Variants in PHACTR1 observed in about 807,000 individuals in gnomAD.
PHACTR1 encodes the protein phosphatase and actin regulator 1, also known as RPEL repeat containing 1.
PHACTR1 carries 16 observed loss-of-function variants against 69.2 expected under a neutral mutation model. The ratio of observed to expected loss-of-function variants is 0.23; its 90% CI spans 0.16 to 0.35. The LOEUF is 0.35. Ranked by LOEUF, PHACTR1 falls within the 10% of genes least tolerant of loss-of-function variation. PHACTR1 has a pLI of 1.00. For missense variants in PHACTR1, 510 were observed against 734.7 expected, an observed-to-expected ratio of 0.69 and a Z score of 3.54; for synonymous variants, 312 against 284.5, an observed-to-expected ratio of 1.10 and a Z score of -0.97.
At chr6:13,216,323 G>A (rs1183242982) in intron 8 of PHACTR1, among the ~76,000 whole-genome samples, 2 of 152,154 alleles carry the variant, frequency 1.3e-5, no homozygotes, top group South Asian at 2.1e-4. Context: ...ATGATCCCTA[G>A]GGTTTCTTTT....
intron 4 of PHACTR1, among the ~76,000 whole-genome samples, chr6:12,903,926 G>A (rs971199200): frequency 1.3e-5 from 2 of 151,864 alleles, no homozygotes; most frequent in African/African-American, 2.4e-5. Context: ...TTATAATTTA[G>A]CATCTTATTA....
At chr6:13,149,951 A>G (rs1302053099) in intron 5 of PHACTR1, among the ~76,000 whole-genome samples, 2 of 152,026 alleles carry the variant, frequency 1.3e-5, no homozygotes, top group Non-Finnish European at 2.9e-5. Flanking sequence ...TGATTTAGAT[A>G]GAAGTTCCAT....
chr6:12,731,430 C>T (rs1763511697), intron 3 of PHACTR1, among the ~76,000 whole-genome samples: 1 of 152,094 alleles, frequency 6.6e-6, no homozygotes, highest in Non-Finnish European at 1.5e-5. Context: ...TTGGCTTAGC[C>T]CAATTGAATT....
rs192150361 is a variant in PHACTR1, at chr6:13,195,123, C to G, written c.665-10692C>G. ...CGAGTGATCATCCCTAGGCGGGCCT[C>G]GTGTTCTGAAGGAACTGATGGAGCT... On this transcript the variant is annotated intron_variant, in intron 7 of 14. Coordinates refer to ENST00000332995, the MANE Select transcript of PHACTR1 (RefSeq NM_030948.6). Among the ~76,000 whole-genome samples, 15 of 152,320 alleles carry G rather than the reference C, an allele frequency of 9.8e-5. 1 individual carries two copies. Among genetic ancestry groups the G allele is most frequent in the Admixed American group, 9.8e-4 (15 of 15,310 alleles).
intron 4 of PHACTR1, among the ~76,000 whole-genome samples, chr6:13,024,214 C>T (rs377698637): frequency 9.9e-5 from 15 of 152,256 alleles, no homozygotes; most frequent in East Asian, 5.8e-4. Flanking sequence ...AGTATGTCCT[C>T]GCACAACTTG....
intron 4 of PHACTR1, among the ~76,000 whole-genome samples, chr6:12,825,758 C>G (rs774065031): frequency 4.2e-4 from 64 of 152,170 alleles, no homozygotes; most frequent in Non-Finnish European, 7.3e-4. Context: ...CCATCAGTTC[C>G]TCTGCAGGTC....
intron 4 of PHACTR1, among the ~76,000 whole-genome samples, chr6:13,044,383 A>G (rs1449555118): frequency 1.3e-5 from 2 of 152,236 alleles, no homozygotes; most frequent in Non-Finnish European, 2.9e-5. Context: ...CTTAGAGCCT[A>G]TGTAATCTGC....
intron 4 of PHACTR1, chr6:12,958,096 T>G: frequency 1.1e-6 from 1 of 882,170 alleles, no homozygotes; most frequent in Non-Finnish European, 1.4e-6. Flanking sequence ...AGATGGATTT[T>G]GTATTGGTTT....
intron 4 of PHACTR1, among the ~76,000 whole-genome samples, chr6:12,945,743 C>T (rs1342015772): frequency 6.6e-6 from 1 of 152,052 alleles, no homozygotes; most frequent in Non-Finnish European, 1.5e-5. Flanking sequence ...GCAGGCAGAT[C>T]ACCTGAGGTC....
At chr6:12,868,837 T>G (rs1225326929) in intron 4 of PHACTR1, among the ~76,000 whole-genome samples, 5 of 151,954 alleles carry the variant, frequency 3.3e-5, no homozygotes, top group African/African-American at 1.2e-4. Context: ...AAGAAAATAA[T>G]AGCTTCATAT....
rs527473868 is a variant in PHACTR1, at chr6:13,264,408, A to G, written c.1392-8452A>G. 2.4e-4 allele frequency among the ~76,000 whole-genome samples: 36 copies of G among 152,052 alleles called. No homozygotes were observed. In the East Asian group the frequency reaches 4.4e-3, roughly 19 times the overall value. On this transcript the variant is annotated intron_variant, in intron 10 of 14. Transcript: ENST00000332995. Reference sequence around the variant, plus strand: ...GGATTATTTCCATTAAACATGCCCCATTTTCATCCATTAAAAAAATAAAAT... The same window carrying G: ...GGATTATTTCCATTAAACATGCCCCGTTTTCATCCATTAAAAAAATAAAAT...
chr6:12,814,744 C>T (rs1046797859), intron 4 of PHACTR1, among the ~76,000 whole-genome samples: 1 of 152,158 alleles, frequency 6.6e-6, no homozygotes, highest in Non-Finnish European at 1.5e-5. Context: ...TAGTCTAACA[C>T]TTGAAGGGTA....
At chr6:13,165,604 G>A (rs1583672185) in intron 6 of PHACTR1, among the ~76,000 whole-genome samples, 1 of 152,154 alleles carries the variant, frequency 6.6e-6, no homozygotes, top group East Asian at 1.9e-4. Flanking sequence ...GAAGAAAAAT[G>A]AAGCAGCAGG....
chr6:13,216,175 T>G (rs1042345627), intron 8 of PHACTR1, among the ~76,000 whole-genome samples: 1 of 152,224 alleles, frequency 6.6e-6, no homozygotes, highest in African/African-American at 2.4e-5. Context: ...TATCCCATGA[T>G]TATTTTTAGG....
rs527801190 is a variant in PHACTR1, at chr6:13,249,393, C to G, written c.1391+19200C>G. ...AAACCCCCATCCATAGAAAAATTGT[C>G]TTCCATGAAACCAGTCCCTGGTGCC... is the stretch of plus-strand genomic sequence containing the variant. On this transcript the variant is annotated intron_variant, in intron 10 of 14. Transcript: ENST00000332995. 3.3e-5 allele frequency among the ~76,000 whole-genome samples: 5 copies of G among 152,308 alleles called. 1 individual carries two copies. The South Asian group carries it at 6.2e-4, about 19-fold the overall frequency.
At chr6:13,242,251 A>G (rs987810495) in intron 10 of PHACTR1, among the ~76,000 whole-genome samples, 4 of 152,174 alleles carry the variant, frequency 2.6e-5, no homozygotes, top group African/African-American at 7.2e-5. Flanking sequence ...GGAGGCACAC[A>G]CATCACTTCT....
At chr6:13,071,793 A>G (rs1809579805) in intron 5 of PHACTR1, among the ~76,000 whole-genome samples, 1 of 152,206 alleles carries the variant, frequency 6.6e-6, no homozygotes, top group Non-Finnish European at 1.5e-5. Flanking sequence ...GTTAAAATGT[A>G]GGAAGCTGCC....
intron 4 of PHACTR1, among the ~76,000 whole-genome samples, chr6:12,890,834 T>A (rs1561984184): frequency 6.6e-6 from 1 of 152,358 alleles, no homozygotes; most frequent in East Asian, 1.9e-4. Context: ...ATATTACCTT[T>A]TAACCTTCCT....
chr6:12,733,089 C>A (rs1202208515), intron 3 of PHACTR1, among the ~76,000 whole-genome samples: 1 of 152,314 alleles, frequency 6.6e-6, no homozygotes, highest in East Asian at 1.9e-4. Flanking sequence ...CTTTCCCCTC[C>A]ACAAACACAA....
Sources: allele counts gnomAD v4.1 joint callset (sites outside exome capture counted in the v4.1 genomes callset), GRCh38; gene constraint gnomAD v4.1.1; transcripts MANE v1.5; gene names NCBI Gene and HGNC (gene_info 2026-07-23, HGNC 2026-07-21).